The following LRRC9 variants were observed in gnomAD, a reference collection of about 807,000 sequenced individuals.
LRRC9 encodes the protein leucine-rich repeat-containing protein 9.
LRRC9 carries 122 observed loss-of-function variants against 63.2 expected under a neutral mutation model. That is an observed-to-expected ratio of 1.93 (90% CI 1.67 to 2.24). The LOEUF (loss-of-function observed/expected upper bound fraction) is 2.24, where lower values mean the gene tolerates loss of function less well. Among genes scored for constraint, LRRC9 ranks in the 30% most tolerant of loss-of-function variants. The pLI, the probability that LRRC9 is intolerant of heterozygous loss-of-function variation, is 0.00. For missense variants in LRRC9, 1,071 were observed against 627.7 expected (o/e 1.71, Z -7.55); for synonymous variants, 366 against 213.1 (o/e 1.72, Z -6.25).
At chr14:59,994,624 A>G (rs1888538143) in intron 17 of LRRC9, among the ~76,000 whole-genome samples, 1 of 152,220 alleles carries the variant, frequency 6.6e-6, no homozygotes, top group South Asian at 2.1e-4. Flanking sequence ...ATGTCCAACA[A>G]TCATAGACTG....
chr14:59,926,711 A>G (rs1889237684), intron 1 of LRRC9, among the ~76,000 whole-genome samples: 1 of 152,166 alleles, frequency 6.6e-6, no homozygotes, highest in African/African-American at 2.4e-5. Flanking sequence ...CATTATGAGT[A>G]TTACTCATTG....
At chr14:59,981,806 A>G (rs1008436673) in intron 15 of LRRC9, 42 bp from the exon 16 acceptor site, 4 of 661,912 alleles carry the variant, frequency 6.0e-6, no homozygotes, top group Non-Finnish European at 1.1e-5. Context: ...AAAATGATAA[A>G]TACAGCAACT....
chr14:60,031,838 T>C lies in LRRC9; in HGVS notation c.3922-157T>C, dbSNP rs1308957579. On this transcript the variant is annotated intron_variant, in intron 28 of 31. Coordinates refer to ENST00000445360, the Ensembl canonical transcript of LRRC9. The surrounding 1 kb of genome is among the most constrained non-coding windows in gnomAD (Gnocchi z 4.6). Reference sequence around the variant, plus strand: ...TCTACAGTACACAGCTCTGCCTTTATTCAAGAATACAGAATACTGTCACTC... The same window carrying C: ...TCTACAGTACACAGCTCTGCCTTTACTCAAGAATACAGAATACTGTCACTC... 1.5e-4 allele frequency among the ~76,000 whole-genome samples: 23 copies of C among 152,072 alleles called. No homozygotes were observed. Among genetic ancestry groups the C allele is most frequent in the Admixed American group, 1.5e-3 (23 of 15,234 alleles).
At position 59,922,565 on chromosome 14, in the gene LRRC9, A is replaced by G. The variant is rs1888877877; in HGVS notation, c.-34+2682A>G. 6.6e-6 allele frequency among the ~76,000 whole-genome samples: 1 copy of G among 152,260 alleles called. No individual in the cohort carries two copies. The highest frequency in any genetic ancestry group is 6.5e-5 in the Admixed American group (1 of 15,286). ...CAGCAGTATTCTGAAAGAGACAGATAAGGATAGGATCAATACATAGGAAAA... is the reference window on the plus strand; with the variant it reads ...CAGCAGTATTCTGAAAGAGACAGATGAGGATAGGATCAATACATAGGAAAA... On this transcript the variant is annotated intron_variant, in intron 1 of 31. Coordinates refer to ENST00000445360, the Ensembl canonical transcript of LRRC9. This position sits in a 1 kb window ranked among gnomAD's most constrained non-coding sequence, Gnocchi z 5.3.
rs1894559617 is a variant in LRRC9, at chr14:60,060,111, T to C, written c.4276+2089T>C. 6.6e-6 allele frequency among the ~76,000 whole-genome samples: 1 copy of C among 152,206 alleles called. No homozygotes were observed. Among genetic ancestry groups the C allele is most frequent in the Admixed American group, 6.5e-5 (1 of 15,286 alleles). On this transcript the variant is annotated intron_variant, in intron 31 of 31. Coordinates refer to ENST00000445360, the Ensembl canonical transcript of LRRC9. This position sits in a 1 kb window ranked among gnomAD's most constrained non-coding sequence, Gnocchi z 4.0. ...ACCATTGTAAAACTCCTAGGGCTCT[T>C]AAGAATTATGCTAAATCTACTTTGT...
At position 60,004,140 on chromosome 14, in the gene LRRC9, G is replaced by A. The variant is rs117073019; in HGVS notation, c.2842+342G>A. Among the ~76,000 whole-genome samples, 3,345 of 152,122 alleles carry A rather than the reference G, an allele frequency of 0.022. 60 individuals are homozygous for A. The highest frequency in any genetic ancestry group is 0.05 in the South Asian group (241 of 4,818). On this transcript the variant is annotated intron_variant, in intron 21 of 31. Transcript: ENST00000445360. The surrounding 1 kb of genome is among the most constrained non-coding windows in gnomAD (Gnocchi z 4.8). ...CTATTTTACTTTATATAATGAGCCC[G>A]AGCAAGCTTTCACCTCCTGTGCCTT...
intron 27 of LRRC9, among the ~76,000 whole-genome samples, chr14:60,024,397 T>G (rs1329824319): frequency 1.6e-5 from 1 of 62,882 alleles, no homozygotes; most frequent in Non-Finnish European, 6.0e-5. Flanking sequence ...GCTTGAAACT[T>G]TTAGAGAAGT....
rs1889560801 is a variant in LRRC9, at chr14:60,003,507, C to A, written c.2665-114C>A. 1.8e-6 allele frequency: 1 copy of A among 543,932 alleles called. No homozygotes were observed. Among genetic ancestry groups the A allele is most frequent in the Non-Finnish European group, 3.2e-6 (1 of 310,910 alleles). The allele number at this position is 543,932 out of a possible 1,614,324, so 33.7% of individuals were successfully genotyped here. A position where few individuals can be genotyped will look rare whatever the true frequency, so the allele number is the denominator to read the frequency against. ...AATATCTTTAGCTCCTGAAGGAATT[C>A]TTTTGATATCTATTTATCACATTTG... On this transcript the variant is annotated intron_variant, in intron 20 of 31. Transcript: ENST00000445360. The surrounding 1 kb of genome is among the most constrained non-coding windows in gnomAD (Gnocchi z 4.2).
chr14:59,993,590 T>G (rs1455174998), intron 17 of LRRC9, among the ~76,000 whole-genome samples: 1 of 152,076 alleles, frequency 6.6e-6, no homozygotes, highest in South Asian at 2.1e-4. Flanking sequence ...GAGACACACA[T>G]AGGCTCAAAA....
At chr14:60,026,886 G>A (rs997849108) in intron 27 of LRRC9, among the ~76,000 whole-genome samples, 1 of 151,864 alleles carries the variant, frequency 6.6e-6, no homozygotes, top group African/African-American at 2.4e-5. Context: ...GTTCTTAAGA[G>A]GACACTAGCC....
At chr14:59,970,433 T>A (rs558439984) in intron 12 of LRRC9, among the ~76,000 whole-genome samples, 1 of 152,110 alleles carries the variant, frequency 6.6e-6, no homozygotes, top group Non-Finnish European at 1.5e-5. Flanking sequence ...TTATATTCCT[T>A]TAGGTATATA....
chr14:59,955,874 T>A (rs1300016957), intron 8 of LRRC9, among the ~76,000 whole-genome samples: 1 of 152,218 alleles, frequency 6.6e-6, no homozygotes, highest in Non-Finnish European at 1.5e-5. Flanking sequence ...AACTTCTTTA[T>A]TTCTGTCTTA....
In LRRC9 at chr14:60,025,427, A is replaced by G. The variant is rs779053800; in HGVS notation, c.3704-2457A>G. 3.9e-4 allele frequency among the ~76,000 whole-genome samples: 60 copies of G among 152,084 alleles called. 2 individuals are homozygous for G. The highest frequency in any genetic ancestry group is 3.3e-4 in the Admixed American group (5 of 15,258). On this transcript the variant is annotated intron_variant, in intron 27 of 31. Transcript: ENST00000445360. Reference sequence around the variant, plus strand: ...CAGATATTTTAAAAGATACACTGACATACAAAAAAGCAGACCACCTAACCC... The same window carrying G: ...CAGATATTTTAAAAGATACACTGACGTACAAAAAAGCAGACCACCTAACCC...
chr14:60,043,518 A>G (rs1340409215), intron 29 of LRRC9, among the ~76,000 whole-genome samples: 1 of 152,168 alleles, frequency 6.6e-6, no homozygotes, highest in African/African-American at 2.4e-5. Flanking sequence ...AATTTTATCA[A>G]ATGCCTTTTT....
rs1434950408 is a variant in LRRC9 at position 60,028,115 on chromosome 14, T to G, written c.3921+14T>G. The G allele has an allele frequency of 1.5e-6, 1 of 680,188 alleles. No individual in the cohort carries two copies. Among genetic ancestry groups the G allele is most frequent in the Admixed American group, 2.2e-5 (1 of 44,720 alleles). 42.1% of individuals were successfully genotyped at this position (680,188 alleles called of 1,614,324 possible). ...AATAAAATCCAGGTAACATTATTATTTTTTTATTATGGGATTTACAAGCTT... is the reference window on the plus strand; with the variant it reads ...AATAAAATCCAGGTAACATTATTATGTTTTTATTATGGGATTTACAAGCTT... On this transcript the variant is annotated intron_variant, in intron 28 of 31. Coordinates refer to ENST00000445360, the Ensembl canonical transcript of LRRC9.
At chr14:60,006,950 G>A (rs551632978) in intron 22 of LRRC9, among the ~76,000 whole-genome samples, 2 of 152,020 alleles carry the variant, frequency 1.3e-5, no homozygotes, top group Non-Finnish European at 2.9e-5. Context: ...AAACTTGGTC[G>A]CCTTTGCTCA....
In LRRC9 at chr14:59,927,824, G is replaced by A; in HGVS notation, c.-33-87G>A. 3.8e-6 allele frequency: 2 copies of A among 522,848 alleles called. No individual in the cohort carries two copies. Among genetic ancestry groups the A allele is most frequent in the Non-Finnish European group, 6.7e-6 (2 of 298,558 alleles). 32.4% of individuals were successfully genotyped at this position (522,848 alleles called of 1,614,324 possible). On this transcript the variant is annotated intron_variant, in intron 1 of 31. Transcript: ENST00000445360. This position sits in a 1 kb window ranked among gnomAD's most constrained non-coding sequence, Gnocchi z 4.4. ...GAAGATTTCAAACTACAGTTGGGTG[G>A]TTCAACCTCAGTAGCTTTAAGGTCT...
intron 21 of LRRC9, 71 bp from the exon 22 acceptor site, chr14:60,006,326 C>G: frequency 1.7e-6 from 1 of 605,462 alleles, no homozygotes; most frequent in Non-Finnish European, 2.9e-6. Context: ...ATAAAATGAC[C>G]AGCCACTTAT....
chr14:60,036,601 T>C (rs1433722470), intron 29 of LRRC9, among the ~76,000 whole-genome samples: 2 of 152,190 alleles, frequency 1.3e-5, no homozygotes, highest in Non-Finnish European at 2.9e-5. Context: ...TGGGGAGGTA[T>C]ATTGCAAAGC....
Sources: allele counts gnomAD v4.1 joint callset (sites outside exome capture counted in the v4.1 genomes callset), GRCh38; gene constraint gnomAD v4.1.1; non-coding constraint Gnocchi (gnomAD v3.1); transcripts MANE v1.5; gene names NCBI Gene and HGNC (gene_info 2026-07-23, HGNC 2026-07-21).